The following ABCA13 variants were observed in gnomAD, a reference collection of about 807,000 sequenced individuals.
ABCA13 encodes the protein ATP binding cassette subfamily A member 13, also known as ATP-binding cassette sub-family A member 13.
In ABCA13, 476 loss-of-function variants were observed where a neutral mutation model predicts 478.7. The observed-to-expected ratio is 0.99, with a 90% CI of 0.92 to 1.07. ABCA13 has a LOEUF of 1.07. Ranked by LOEUF, ABCA13 falls within the 50% of genes least tolerant of loss-of-function variation. The pLI is 0.00. For missense variants in ABCA13, 6,060 were observed against 5,910.6 expected (o/e 1.03, Z -0.83); for synonymous variants, 2,252 against 2,158.9 (o/e 1.04, Z -1.20).
chr7:48,475,586 C>T (rs747528333), intron 45 of ABCA13, among the ~76,000 whole-genome samples: 6 of 151,436 alleles, frequency 4.0e-5, no homozygotes, highest in Non-Finnish European at 7.4e-5. Context: ...CTGCCTCAGC[C>T]TCCTGAGTAG....
chr7:48,450,119 C>G (rs1348087934), intron 42 of ABCA13, among the ~76,000 whole-genome samples: 1 of 152,298 alleles, frequency 6.6e-6, no homozygotes, highest in African/African-American at 2.4e-5. Flanking sequence ...CTAGTAAATA[C>G]TCACTGAATT....
chr7:48,230,527 C>T (rs1320681857), intron 7 of ABCA13, among the ~76,000 whole-genome samples: 1 of 152,140 alleles, frequency 6.6e-6, no homozygotes, highest in Non-Finnish European at 1.5e-5. Context: ...TTGGCTATTT[C>T]TCTAAGGGAA....
chr7:48,375,800 G>A (rs1313430248), intron 34 of ABCA13, among the ~76,000 whole-genome samples: 1 of 151,982 alleles, frequency 6.6e-6, no homozygotes, highest in Non-Finnish European at 1.5e-5. Context: ...CTGATCTTTA[G>A]AATAAATTGA....
In ABCA13 at chr7:48,309,165, G is replaced by A. The variant is rs373287158; in HGVS notation, c.9322-782G>A. Among the ~76,000 whole-genome samples, 21 of 151,534 alleles carry A rather than the reference G, an allele frequency of 1.4e-4. No individual in the cohort carries two copies. In the South Asian group the frequency reaches 1.9e-3, roughly 14 times the overall value. ...TTTTATGGCATCTGTTGAGTTCTCC[G>A]TGCTCTTCTTCAGAGAGCATGGTTC... On this transcript the variant is annotated intron_variant, in intron 23 of 61. Coordinates refer to ENST00000435803, the MANE Select transcript of ABCA13 (RefSeq NM_152701.5).
chr7:48,349,168 A>G (rs889472807), intron 29 of ABCA13, among the ~76,000 whole-genome samples: 1 of 152,232 alleles, frequency 6.6e-6, no homozygotes, highest in East Asian at 1.9e-4. Context: ...GTGACACTTC[A>G]CTATTATTGT....
rs1787909711 is a variant in ABCA13, at chr7:48,573,856, T to A, written c.14355-6368T>A. Among the ~76,000 whole-genome samples the A allele has an allele frequency of 2.0e-5, 3 of 152,302 alleles. No homozygotes were observed. In the South Asian group the frequency reaches 6.2e-4, roughly 32 times the overall value. ...TCAAGCTGTTGCCATTAGTTCCTTCTGATTGCTGTGGGGAAGGGATCTGCT... is the reference window on the plus strand; with the variant it reads ...TCAAGCTGTTGCCATTAGTTCCTTCAGATTGCTGTGGGGAAGGGATCTGCT... On this transcript the variant is annotated intron_variant, in intron 55 of 61. Coordinates refer to ENST00000435803, the MANE Select transcript of ABCA13 (RefSeq NM_152701.5).
chr7:48,506,207 G>T, intron 48 of ABCA13, 129 bp from the exon 49 acceptor site: 3 of 937,052 alleles, frequency 3.2e-6, no homozygotes, highest in South Asian at 3.3e-5. Flanking sequence ...TCTGCTAATT[G>T]ACCAGGGCCT....
chr7:48,271,077 T>C lies in ABCA13; in HGVS notation c.2121-710T>C, dbSNP rs905668858. Among the ~76,000 whole-genome samples, 6 of 152,334 alleles carry C rather than the reference T, an allele frequency of 3.9e-5. No homozygotes were observed. The East Asian group carries it at 1.2e-3, about 29-fold the overall frequency. ...GATGCATGAATACATATCTGATACC[T>C]GTATCATGCTACATTTCTAAAGGAT... On this transcript the variant is annotated intron_variant, in intron 16 of 61. Transcript: ENST00000435803.
intron 38 of ABCA13, among the ~76,000 whole-genome samples, chr7:48,402,662 T>A (rs911567388): frequency 6.6e-6 from 1 of 152,224 alleles, no homozygotes; most frequent in Non-Finnish European, 1.5e-5. Context: ...TACTTAGTCA[T>A]CAGGCAGAAA....
intron 24 of ABCA13, among the ~76,000 whole-genome samples, chr7:48,310,642 G>A (rs1801636624): frequency 6.6e-6 from 1 of 152,128 alleles, no homozygotes; most frequent in South Asian, 2.1e-4. Flanking sequence ...ATGTGGAGGG[G>A]TGGGCAGCAC....
rs1820409479 is a variant in ABCA13, at chr7:48,419,126, G to A, written c.12459+6543G>A. ...TCACTCGCTATACACTACCAAAGGG[G>A]GATGGGGCTAAACCATTCATGAAAA... is the stretch of plus-strand genomic sequence containing the variant. On this transcript the variant is annotated intron_variant, in intron 41 of 61. Transcript: ENST00000435803. Among the ~76,000 whole-genome samples the A allele has an allele frequency of 3.9e-5, 6 of 152,088 alleles. No homozygotes were observed. The South Asian group carries it at 8.3e-4, about 21-fold the overall frequency.
At chr7:48,540,881 A>T (rs1050142027) in intron 55 of ABCA13, among the ~76,000 whole-genome samples, 1 of 152,010 alleles carries the variant, frequency 6.6e-6, no homozygotes, top group Non-Finnish European at 1.5e-5. Flanking sequence ...ATTATTTTCT[A>T]TTCTCTGTAG....
At chr7:48,584,348 A>G (rs1055239150) in intron 56 of ABCA13, among the ~76,000 whole-genome samples, 2 of 152,218 alleles carry the variant, frequency 1.3e-5, no homozygotes, top group African/African-American at 4.8e-5. Context: ...AACATTGTTT[A>G]GTTCAACATT....
At chr7:48,514,962 A>G (rs944039512) in intron 51 of ABCA13, among the ~76,000 whole-genome samples, 2 of 152,192 alleles carry the variant, frequency 1.3e-5, no homozygotes, top group African/African-American at 4.8e-5. Context: ...GATTTTATAT[A>G]TCATATTATA....
At chr7:48,221,711 A>G (rs1416129442) in intron 5 of ABCA13, among the ~76,000 whole-genome samples, 3 of 152,242 alleles carry the variant, frequency 2.0e-5, no homozygotes, top group Non-Finnish European at 2.9e-5. Flanking sequence ...TTGACCTCCA[A>G]AGGATATTTG....
At position 48,592,653 on chromosome 7, in the gene ABCA13, A is replaced by G. The variant is rs752827053; in HGVS notation, c.14641-2057A>G. ...TATTGATTTTCTGACTGGTTATTCA[A>G]TGTATCATTGAAAGTGGAGCCTTGA... On this transcript the variant is annotated intron_variant, in intron 57 of 61. Transcript: ENST00000435803. Among the ~76,000 whole-genome samples the G allele has an allele frequency of 5.3e-5, 8 of 151,994 alleles. No individual in the cohort carries two copies. The East Asian group carries it at 1.5e-3, about 29-fold the overall frequency.
intron 20 of ABCA13, among the ~76,000 whole-genome samples, chr7:48,289,114 G>T (rs1051713489): frequency 1.3e-5 from 2 of 152,128 alleles, no homozygotes; most frequent in Non-Finnish European, 2.9e-5. Flanking sequence ...CAAGGGTGTC[G>T]AATGCCATGC....
intron 19 of ABCA13, among the ~76,000 whole-genome samples, chr7:48,286,599 G>C (rs537454937): frequency 1.3e-5 from 2 of 152,070 alleles, no homozygotes; most frequent in South Asian, 4.2e-4. Flanking sequence ...CTACCTCCTG[G>C]GTTCAAGCAA....
intron 42 of ABCA13, among the ~76,000 whole-genome samples, chr7:48,436,622 A>G (rs927866446): frequency 6.6e-6 from 1 of 151,728 alleles, no homozygotes; most frequent in Non-Finnish European, 1.5e-5. Context: ...TGTTTACTTG[A>G]AGTCTTTCTT....
Sources: allele counts gnomAD v4.1 joint callset (sites outside exome capture counted in the v4.1 genomes callset), GRCh38; gene constraint gnomAD v4.1.1; transcripts MANE v1.5; gene names NCBI Gene and HGNC (gene_info 2026-07-23, HGNC 2026-07-21).